Variants in NEDD1 observed in about 807,000 individuals in gnomAD.
NEDD1 encodes NEDD1 gamma-tubulin ring complex targeting factor, also known as protein NEDD1.
A neutral mutation model predicts 74.0 loss-of-function variants in NEDD1; 33 were observed. The observed-to-expected ratio is 0.45, with a 90% CI of 0.34 to 0.60. The LOEUF (loss-of-function observed/expected upper bound fraction) is 0.60, where lower values mean the gene tolerates loss of function less well. NEDD1 is among the 20% of genes least tolerant of loss of function. The pLI, the probability that NEDD1 is intolerant of heterozygous loss-of-function variation, is 0.01. For missense variants in NEDD1, 746 were observed against 776.5 expected (o/e 0.96, Z 0.47); for synonymous variants, 250 against 264.4 (o/e 0.95, Z 0.53).
chr12:96,907,426 G>C (rs896802798), intron 1 of NEDD1, 126 bp downstream of exon 1: 3 of 537,324 alleles, frequency 5.6e-6, no homozygotes, highest in Middle Eastern at 9.4e-4. Context: ...TTGCGCGCCC[G>C]GAGCGGTTGC....
Position 96,951,993 on chromosome 12 carries a change from T to C in NEDD1, c.1923T>C (p.Gly641=). The C allele has an allele frequency of 6.2e-7, 1 of 1,607,200 alleles. No individual in the cohort carries two copies. The highest frequency in any genetic ancestry group is 1.1e-5 in the South Asian group (1 of 90,882). Residue 641 remains glycine (G), a synonymous_variant, in exon 16 of 16, where the codon GGT becomes GGC. Coordinates refer to ENST00000266742, the MANE Select transcript of NEDD1 (RefSeq NM_152905.4). ...SLLERYSVNE[G]LVAEIERLRE... ...TGGAAAGATACTCAGTGAATGAAGG[T>C]TTAGTGGCTGAAATTGAAAGACTAC...
At chr12:96,912,084 T>C (rs1873973493) in intron 3 of NEDD1, among the ~76,000 whole-genome samples, 1 of 151,932 alleles carries the variant, frequency 6.6e-6, no homozygotes, top group Non-Finnish European at 1.5e-5. Context: ...CATTTACAAT[T>C]CGTGTAAAAG....
chr12:96,917,653 ATC>A lies in NEDD1; in HGVS notation c.266_267del (p.Ser89TyrfsTer10). The A allele has an allele frequency of 6.5e-7, 1 of 1,541,510 alleles. No homozygotes were observed. Among genetic ancestry groups the A allele is most frequent in the Non-Finnish European group, 8.7e-7 (1 of 1,155,554 alleles). ...KQTCVNLNST[S>X]MYLVSGGLNN... Reference sequence around the variant, plus strand: ...AGACATGTGTCAATTTAAATTCTACATCTATGTATTTGGTAAGCGGAGGCCTA... The same window carrying A: ...AGACATGTGTCAATTTAAATTCTACATATGTATTTGGTAAGCGGAGGCCTA... On this transcript the variant is annotated frameshift_variant, in exon 5 of 16. Transcript: ENST00000266742. LOFTEE classifies it high-confidence loss of function.
chr12:96,952,249 A>G lies in NEDD1; in HGVS notation c.*196A>G. 3 of 412,460 alleles carry G rather than the reference A, an allele frequency of 7.3e-6. No homozygotes were observed. The South Asian group carries it at 1.2e-4, about 16-fold the overall frequency. The allele number at this position is 412,460 out of a possible 1,614,324, so 25.6% of individuals were successfully genotyped here. A position where few individuals can be genotyped will look rare whatever the true frequency, so the allele number is the denominator to read the frequency against. Reference sequence around the variant, plus strand: ...ATTTTTATATTAAAAATTGTACAGTATGTCATCTACCCAATAGGAAAGTCA... The same window carrying G: ...ATTTTTATATTAAAAATTGTACAGTGTGTCATCTACCCAATAGGAAAGTCA... On this transcript the variant is annotated 3_prime_UTR_variant, in exon 16 of 16. Coordinates refer to ENST00000266742, the MANE Select transcript of NEDD1 (RefSeq NM_152905.4).
At position 96,945,853 on chromosome 12, in the gene NEDD1, G is replaced by GCATGCCA; in HGVS notation, c.1811+4_1811+5insCATGCCA. 6.3e-7 allele frequency: 1 copy of GCATGCCA among 1,588,592 alleles called. No individual in the cohort carries two copies. The highest frequency in any genetic ancestry group is 8.6e-7 in the Non-Finnish European group (1 of 1,159,474). ...AGGAAACGTTGGATGACTTTAGGTA[G>GCATGCCA]TAATTGAGAAACTACTCCTTCTATC... On this transcript the variant is annotated splice_donor_region_variant and intron_variant, in intron 14 of 15. Transcript: ENST00000266742.
At chr12:96,943,506 C>T in intron 11 of NEDD1, 54 bp from the exon 12 acceptor site, 1 of 1,214,950 alleles carries the variant, frequency 8.2e-7, no homozygotes, top group Non-Finnish European at 1.2e-6. Context: ...TGCTTTTCTT[C>T]AATGTCCAAA....
At chr12:96,923,788 T>TGTGTGTGTGTG (rs1875373530) in intron 6 of NEDD1, among the ~76,000 whole-genome samples, 70 of 142,358 alleles carry the variant, frequency 4.9e-4, no homozygotes, top group East Asian at 6.4e-4. Context: ...TAATACCTGT[T>TGTGTGTGTGTG]TGTGTGTGTG....
intron 6 of NEDD1, among the ~76,000 whole-genome samples, chr12:96,924,296 T>C (rs1389389242): frequency 6.6e-6 from 1 of 152,236 alleles, no homozygotes; most frequent in African/African-American, 2.4e-5. Context: ...TTGACTACTA[T>C]GGGCCTTTTG....
intron 9 of NEDD1, among the ~76,000 whole-genome samples, chr12:96,939,655 G>A (rs925836619): frequency 2.6e-5 from 4 of 152,022 alleles, no homozygotes; most frequent in South Asian, 2.1e-4. Flanking sequence ...TAAAACTGTC[G>A]TTACTCCAGT....
Position 96,945,866 on chromosome 12 carries a change from T to A in NEDD1, c.1811+17T>A. 1 of 1,540,670 alleles carries A rather than the reference T, an allele frequency of 6.5e-7. No individual in the cohort carries two copies. The highest frequency in any genetic ancestry group is 2.2e-5 in the East Asian group (1 of 44,490). On this transcript the variant is annotated intron_variant, in intron 14 of 15. Transcript: ENST00000266742. ...TGACTTTAGGTAGTAATTGAGAAAC[T>A]ACTCCTTCTATCTAGACCTTACTTG...
At chr12:96,908,077 C>T (rs907680549) in intron 2 of NEDD1, among the ~76,000 whole-genome samples, 1 of 152,200 alleles carries the variant, frequency 6.6e-6, no homozygotes, top group Admixed American at 6.5e-5. Context: ...GGGCTTAGAG[C>T]TCGCTTTTCC....
intron 12 of NEDD1, 115 bp downstream of exon 12, chr12:96,943,877 T>C (rs961437522): frequency 4.8e-6 from 3 of 629,928 alleles, no homozygotes; most frequent in Non-Finnish European, 5.5e-6. Flanking sequence ...TTCATAAGTC[T>C]TGATGTCAGA....
At chr12:96,929,623 A>ATT (rs1555202701) in intron 6 of NEDD1, among the ~76,000 whole-genome samples, 2,958 of 126,164 alleles carry the variant, frequency 0.023, 55 homozygotes, top group South Asian at 0.072. Context: ...ATATATATAT[A>ATT]TTTTTTTTTT....
intron 6 of NEDD1, among the ~76,000 whole-genome samples, chr12:96,931,195 C>T (rs978491975): frequency 5.9e-5 from 9 of 152,082 alleles, no homozygotes; most frequent in Non-Finnish European, 1.2e-4. Flanking sequence ...TTTCTTACTG[C>T]TTTATAGTGC....
Position 96,942,601 on chromosome 12 carries a change from A to T in NEDD1, c.1271A>T (p.Asp424Val), listed in dbSNP as rs1191999604. 1.3e-6 allele frequency: 2 copies of T among 1,524,312 alleles called. No homozygotes were observed. The highest frequency in any genetic ancestry group is 3.4e-5 in the Admixed American group (2 of 59,140). The allele number at this position is 1,524,312 out of a possible 1,614,324, so 94.4% of individuals were successfully genotyped here. Residue 424 changes from aspartate (D) to valine (V), a missense_variant, in exon 11 of 16, where the codon GAT becomes GTT. Physicochemically the swap from Asp to Val is radical, Grantham distance 152 (BLOSUM62 -3). Around this residue, in one of 3 missense-constraint regions of NEDD1, gnomAD observed 706 missense variants for 706.7 expected, o/e 1.00. Transcript: ENST00000266742. The stretch of plus-strand genomic sequence containing the variant: ...GATGCTGTAGTTAACAAGGGAAGTG[A>T]TGAGTCCATAGGCAAAGGAGATGGT... The part of the protein sequence containing the change: ...RDDAVVNKGS[D>V]ESIGKGDGFD...
chr12:96,951,923 TA>T (rs753197383), intron 15 of NEDD1, 25 bp from the exon 16 acceptor site: 1 of 1,221,018 alleles, frequency 8.2e-7, no homozygotes, highest in South Asian at 1.2e-5. Flanking sequence ...ATCAATAATT[TA>T]AAAAGCATTT....
chr12:96,945,826 A>G lies in NEDD1; in HGVS notation c.1788A>G (p.Ile596Met). The change falls in exon 14 of 16, where the codon ATA becomes ATG. Residue 596 changes from isoleucine (I) to methionine (M), a missense_variant. Transcript: ENST00000266742. The stretch of plus-strand genomic sequence containing the variant: ...AAATTCGTTTTATTCAGAACATGAT[A>G]CAGGAAACGTTGGATGACTTTAGGT... ...SIQIRFIQNM[I>M]QETLDDFREA... 1 of 1,611,462 alleles carries G rather than the reference A, an allele frequency of 6.2e-7. No individual in the cohort carries two copies.
At chr12:96,919,952 G>A (rs772211472) in intron 5 of NEDD1, 33 bp from the exon 6 acceptor site, 289 of 1,530,078 alleles carry the variant, frequency 1.9e-4, no homozygotes, top group Non-Finnish European at 2.5e-4. Context: ...AGGATTATGG[G>A]GCAGTGTACT....
chr12:96,948,857 A>G (rs1878445085), intron 14 of NEDD1, among the ~76,000 whole-genome samples: 2 of 152,188 alleles, frequency 1.3e-5, no homozygotes, highest in Admixed American at 1.3e-4. Flanking sequence ...CTATTTTGCC[A>G]GCATCACAAG....
Sources: gnomAD v4.1 joint callset for allele counts (sites outside exome capture counted in the v4.1 genomes callset) on GRCh38, gnomAD v4.1.1 for gene constraint, gnomAD v4.1.1 regional missense constraint, MANE v1.5 for transcripts, NCBI Gene and HGNC (gene_info 2026-07-23, HGNC 2026-07-21) for gene names.